Variants in GUCY1A2 observed in about 807,000 individuals in gnomAD.
The protein encoded by GUCY1A2 is guanylate cyclase 1 soluble subunit alpha 2.
Under a neutral mutation model 63.5 loss-of-function variants are expected in GUCY1A2, and 27 were observed. That is an observed-to-expected ratio of 0.43 (90% CI 0.31 to 0.59). The LOEUF is 0.59. GUCY1A2 is among the 20% of genes least tolerant of loss of function. The pLI, the probability that GUCY1A2 is intolerant of heterozygous loss-of-function variation, is 0.11. For synonymous variants in GUCY1A2, 364 were observed against 343.5 expected (o/e 1.06, Z -0.66); for missense variants, 768 against 913.3 (o/e 0.84, Z 2.05).
intron 7 of GUCY1A2, among the ~76,000 whole-genome samples, chr11:106,690,105 A>T (rs1862597160): frequency 6.6e-6 from 1 of 152,196 alleles, no homozygotes; most frequent in African/African-American, 2.4e-5. Context: ...GGTGGAAGAC[A>T]GTGTGGAGAT....
intron 5 of GUCY1A2, among the ~76,000 whole-genome samples, chr11:106,787,547 A>G: frequency 7.6e-4 from 2 of 2,620 alleles, no homozygotes; most frequent in African/African-American, 1.1e-3. Flanking sequence ...AGAGAGAAAG[A>G]TAGAGAAAGA....
At chr11:106,986,010 A>C in intron 2 of GUCY1A2, 60 bp downstream of exon 2, 1 of 861,376 alleles carries the variant, frequency 1.2e-6, no homozygotes. Context: ...CTCAACAGCT[A>C]TGTTTGAGTA....
intron 5 of GUCY1A2, among the ~76,000 whole-genome samples, chr11:106,800,348 G>A (rs899793368): frequency 6.6e-6 from 1 of 152,192 alleles, no homozygotes; most frequent in African/African-American, 2.4e-5. Flanking sequence ...CAAGGATCTA[G>A]AACTAGAAAT....
chr11:106,953,488 TTG>T (rs902661874), intron 3 of GUCY1A2, among the ~76,000 whole-genome samples: 16 of 152,320 alleles, frequency 1.1e-4, no homozygotes, highest in Admixed American at 3.3e-4. Flanking sequence ...GTTTTCTTTT[TTG>T]TGTGTCTCTT....
intron 6 of GUCY1A2, among the ~76,000 whole-genome samples, chr11:106,768,523 T>G (rs918800717): frequency 1.3e-5 from 2 of 152,104 alleles, no homozygotes; most frequent in African/African-American, 4.8e-5. Flanking sequence ...GTATACACAG[T>G]ATATATATTA....
chr11:106,726,672 A>G (rs1052319480), intron 6 of GUCY1A2, among the ~76,000 whole-genome samples: 1 of 152,144 alleles, frequency 6.6e-6, no homozygotes, highest in Non-Finnish European at 1.5e-5. Flanking sequence ...AGAAAAATTG[A>G]TAAGACTTGG....
rs572509267 is a variant in GUCY1A2, at chr11:106,939,381, G to A, written c.1206+79C>T. The stretch of plus-strand genomic sequence containing the variant: ...AGCTCTCTTGCCTAAATAATTACAA[G>A]TACAGCCACCATGTAATTTACTGAA... On this transcript the variant is annotated intron_variant, in intron 4 of 7. Transcript: ENST00000526355. 1.2e-3 allele frequency: 893 copies of A among 759,578 alleles called. 1 individual carries two copies. Among genetic ancestry groups the A allele is most frequent in the Non-Finnish European group, 1.8e-3 (784 of 447,902 alleles). The allele number at this position is 759,578 out of a possible 1,614,324, so 47.1% of individuals were successfully genotyped here.
chr11:106,953,653 C>T (rs1035405144), intron 3 of GUCY1A2, among the ~76,000 whole-genome samples: 4 of 145,232 alleles, frequency 2.8e-5, no homozygotes, highest in African/African-American at 5.0e-5. Context: ...CTGGTCCTTG[C>T]TTTTTTTTTT....
At chr11:106,943,312 TCTC>T (rs1330731196) in intron 3 of GUCY1A2, among the ~76,000 whole-genome samples, 2 of 152,176 alleles carry the variant, frequency 1.3e-5, no homozygotes, top group East Asian at 1.9e-4. Flanking sequence ...ACAATGCTAA[TCTC>T]CTCACATCAC....
intron 5 of GUCY1A2, among the ~76,000 whole-genome samples, chr11:106,805,639 T>C (rs1200958607): frequency 6.6e-6 from 1 of 152,200 alleles, no homozygotes; most frequent in African/African-American, 2.4e-5. Flanking sequence ...ATACCTCTTA[T>C]TGCCTGCACC....
chr11:106,750,087 A>C (rs778442947), intron 6 of GUCY1A2, among the ~76,000 whole-genome samples: 1 of 152,094 alleles, frequency 6.6e-6, no homozygotes, highest in Non-Finnish European at 1.5e-5. Context: ...AGAAAAGCTG[A>C]CAGTGCAGCC....
chr11:106,880,441 A>G (rs1285924196), intron 4 of GUCY1A2, among the ~76,000 whole-genome samples: 1 of 151,954 alleles, frequency 6.6e-6, no homozygotes, highest in African/African-American at 2.4e-5. Context: ...ACCACACTGT[A>G]TGTAAGTCCC....
intron 6 of GUCY1A2, among the ~76,000 whole-genome samples, chr11:106,767,099 A>G (rs1202611407): frequency 6.6e-6 from 1 of 152,156 alleles, no homozygotes; most frequent in Non-Finnish European, 1.5e-5. Flanking sequence ...TGGACATTGT[A>G]TCAGTAGTCT....
chr11:106,952,484 T>G (rs1394148724), intron 3 of GUCY1A2, among the ~76,000 whole-genome samples: 1 of 152,150 alleles, frequency 6.6e-6, no homozygotes, highest in African/African-American at 2.4e-5. Flanking sequence ...CTAGGTATTT[T>G]ATTCTCTTTG....
At chr11:106,858,035 G>C (rs1207688222) in intron 4 of GUCY1A2, among the ~76,000 whole-genome samples, 1 of 152,126 alleles carries the variant, frequency 6.6e-6, no homozygotes, top group Non-Finnish European at 1.5e-5. Flanking sequence ...AGGCCTCTCA[G>C]CAATGACAAC....
At chr11:106,974,528 CAG>C (rs1037457864) in intron 3 of GUCY1A2, among the ~76,000 whole-genome samples, 7 of 151,880 alleles carry the variant, frequency 4.6e-5, no homozygotes, top group African/African-American at 7.3e-5. Flanking sequence ...TATAAAAAAA[CAG>C]AGAGTTCCAT....
At chr11:106,745,799 T>C (rs1863777171) in intron 6 of GUCY1A2, among the ~76,000 whole-genome samples, 1 of 152,250 alleles carries the variant, frequency 6.6e-6, no homozygotes, top group African/African-American at 2.4e-5. Context: ...CCATGAATTC[T>C]TCAAACATTT....
intron 4 of GUCY1A2, among the ~76,000 whole-genome samples, chr11:106,935,464 T>C (rs1354692604): frequency 1.3e-5 from 2 of 152,160 alleles, no homozygotes; most frequent in African/African-American, 2.4e-5. Flanking sequence ...GATAACAAGA[T>C]GATCCCTTCA....
rs1352513840 is a variant in GUCY1A2 at position 107,012,165 on chromosome 11, CAT to C, written c.303+5586_303+5587del. Among the ~76,000 whole-genome samples, 7 of 151,900 alleles carry C rather than the reference CAT, an allele frequency of 4.6e-5. No individual in the cohort carries two copies. The East Asian group carries it at 9.7e-4, about 21-fold the overall frequency. ...CAATTTTTATATGTCTGTGTACACA[CAT>C]GAGTCATACCCAGGGGCCAAAAAGG... On this transcript the variant is annotated intron_variant, in intron 1 of 7. Coordinates refer to ENST00000526355, the MANE Select transcript of GUCY1A2 (RefSeq NM_000855.3).
Sources: allele counts gnomAD v4.1 joint callset (sites outside exome capture counted in the v4.1 genomes callset), GRCh38; gene constraint gnomAD v4.1.1; transcripts MANE v1.5; gene names NCBI Gene and HGNC (gene_info 2026-07-23, HGNC 2026-07-21).